EEFSEC: variants seen among roughly 807,000 people sequenced by gnomAD.
EEFSEC encodes eukaryotic elongation factor, selenocysteine-tRNA specific.
Under a neutral mutation model 42.1 loss-of-function variants are expected in EEFSEC, and 43 were observed. The observed-to-expected ratio is 1.02, with a 90% CI of 0.80 to 1.32. EEFSEC has a LOEUF of 1.32. Among genes scored for constraint, EEFSEC ranks in the 40% most tolerant of loss-of-function variants. The pLI is 0.00. For synonymous variants in EEFSEC, 354 were observed against 339.1 expected, an observed-to-expected ratio of 1.04 and a Z score of -0.48; for missense variants, 745 against 803.6, an observed-to-expected ratio of 0.93 and a Z score of 0.88.
At chr3:128,294,152 G>A (rs889652897) in intron 4 of EEFSEC, among the ~76,000 whole-genome samples, 2 of 152,118 alleles carry the variant, frequency 1.3e-5, no homozygotes, top group Admixed American at 1.3e-4. Flanking sequence ...ATTGTGGTTG[G>A]GAGCCATTAG....
chr3:128,341,211 T>C, intron 4 of EEFSEC, 22 bp from the exon 5 acceptor site: 2 of 1,575,592 alleles, frequency 1.3e-6, no homozygotes, highest in Non-Finnish European at 1.7e-6. Context: ...TTTCATGTGC[T>C]CTCTTGCTTA....
intron 1 of EEFSEC, among the ~76,000 whole-genome samples, chr3:128,181,385 C>T (rs1026300645): frequency 6.6e-6 from 1 of 152,254 alleles, no homozygotes; most frequent in African/African-American, 2.4e-5. Context: ...TTCTTCTAAG[C>T]AGATCACATG....
At chr3:128,406,461 G>A (rs1265489243) in intron 6 of EEFSEC, among the ~76,000 whole-genome samples, 1 of 152,156 alleles carries the variant, frequency 6.6e-6, no homozygotes, top group Non-Finnish European at 1.5e-5. Context: ...AATGGTGACT[G>A]TAATTAATAA....
At chr3:128,328,261 G>A (rs2067087075) in intron 4 of EEFSEC, among the ~76,000 whole-genome samples, 1 of 152,192 alleles carries the variant, frequency 6.6e-6, no homozygotes. Context: ...AGTGGGCCAG[G>A]CCTAAGTGGG....
chr3:128,391,013 C>G (rs1255539572), intron 6 of EEFSEC, among the ~76,000 whole-genome samples: 1 of 152,256 alleles, frequency 6.6e-6, no homozygotes, highest in Non-Finnish European at 1.5e-5. Context: ...TCCCCTCTCC[C>G]GAGCAGCTGG....
chr3:128,234,500 A>AGCC (rs1308107217), intron 1 of EEFSEC, among the ~76,000 whole-genome samples: 3 of 152,232 alleles, frequency 2.0e-5, no homozygotes, highest in African/African-American at 7.2e-5. Context: ...GTTTGGGTAC[A>AGCC]GCCAGACAGA....
intron 4 of EEFSEC, among the ~76,000 whole-genome samples, chr3:128,274,616 G>A (rs1044926589): frequency 4.6e-5 from 7 of 152,220 alleles, no homozygotes; most frequent in South Asian, 4.1e-4. Context: ...ACAAGTTGTC[G>A]TATGAAAACC....
intron 6 of EEFSEC, among the ~76,000 whole-genome samples, chr3:128,386,454 G>C (rs1054898337): frequency 2.6e-5 from 4 of 151,790 alleles, no homozygotes; most frequent in African/African-American, 9.7e-5. Context: ...AGCCCTGTGG[G>C]ATATGGTATC....
chr3:128,415,464 C>T, the EEFSEC span, among the ~76,000 whole-genome samples: 8 of 89,874 alleles, frequency 8.9e-5, no homozygotes, highest in East Asian at 1.0e-3. Context: ...TGAGGCAACC[C>T]GCCTCAGATG....
chr3:128,313,122 G>C (rs1273063248), intron 4 of EEFSEC, among the ~76,000 whole-genome samples: 1 of 152,132 alleles, frequency 6.6e-6, no homozygotes, highest in Non-Finnish European at 1.5e-5. Flanking sequence ...GTAGAATCTG[G>C]GTAGAAACTG....
chr3:128,425,695 G>C, the EEFSEC span, among the ~76,000 whole-genome samples: 2 of 152,154 alleles, frequency 1.3e-5, no homozygotes, highest in African/African-American at 4.8e-5. Context: ...CAGGATGAAC[G>C]AGCTCTGCCC....
chr3:128,370,350 T>C (rs2067639611), intron 6 of EEFSEC, among the ~76,000 whole-genome samples: 1 of 152,104 alleles, frequency 6.6e-6, no homozygotes, highest in Non-Finnish European at 1.5e-5. Context: ...GAGATAGCTG[T>C]GTGGAGGGAG....
At chr3:128,163,389 G>C (rs2065210733) in intron 1 of EEFSEC, among the ~76,000 whole-genome samples, 1 of 152,132 alleles carries the variant, frequency 6.6e-6, no homozygotes, top group African/African-American at 2.4e-5. Context: ...TAGCCTGGAA[G>C]CTTGATGGGG....
At chr3:128,342,011 T>C in intron 5 of EEFSEC, 122 bp downstream of exon 5, 1 of 1,321,464 alleles carries the variant, frequency 7.6e-7, no homozygotes, top group South Asian at 1.5e-5. Flanking sequence ...TGCCAACCTC[T>C]GTAGTTTCTG....
intron 1 of EEFSEC, among the ~76,000 whole-genome samples, chr3:128,158,744 T>C (rs1293460342): frequency 2.6e-5 from 4 of 152,266 alleles, no homozygotes; most frequent in Non-Finnish European, 5.9e-5. Flanking sequence ...TTTGACTTGC[T>C]TTATTGTGAT....
chr3:128,282,285 T>G (rs1173453637), intron 4 of EEFSEC, among the ~76,000 whole-genome samples: 1 of 152,238 alleles, frequency 6.6e-6, no homozygotes, highest in Non-Finnish European at 1.5e-5. Context: ...AGCTCCAGCC[T>G]CCTTCCCTGC....
intron 1 of EEFSEC, among the ~76,000 whole-genome samples, chr3:128,233,915 T>C (rs919939637): frequency 2.6e-5 from 4 of 152,236 alleles, no homozygotes; most frequent in Non-Finnish European, 4.4e-5. Context: ...AATGTTTCCT[T>C]CCTGGGCTAT....
At chr3:128,157,452 T>C (rs1234309482) in intron 1 of EEFSEC, among the ~76,000 whole-genome samples, 1 of 152,248 alleles carries the variant, frequency 6.6e-6, no homozygotes, top group African/African-American at 2.4e-5. Context: ...TATGTAGGAC[T>C]TTCATAGCTA....
the EEFSEC span, among the ~76,000 whole-genome samples, chr3:128,417,980 C>T: frequency 2.6e-5 from 4 of 152,218 alleles, no homozygotes; most frequent in Non-Finnish European, 4.4e-5. This position sits in a 1 kb window ranked among gnomAD's most constrained non-coding sequence, Gnocchi z 4.3. Context: ...CCAGCCCACC[C>T]TATGGCCCCA....
Sources: allele counts gnomAD v4.1 joint callset (sites outside exome capture counted in the v4.1 genomes callset), GRCh38; gene constraint gnomAD v4.1.1; non-coding constraint Gnocchi (gnomAD v3.1); transcripts MANE v1.5; gene names NCBI Gene and HGNC (gene_info 2026-07-23, HGNC 2026-07-21).